Variants in NSMF observed in about 807,000 individuals in gnomAD.
NSMF encodes the protein nasal embryonic LHRH factor.
Under a neutral mutation model 71.0 loss-of-function variants are expected in NSMF, and 31 were observed. That is an observed-to-expected ratio of 0.44 (90% CI 0.33 to 0.59). NSMF has a LOEUF of 0.59. Among genes scored for constraint, NSMF ranks in the 20% least tolerant of loss-of-function variants. NSMF has a pLI of 0.04. For missense variants in NSMF, 673 were observed against 740.5 expected (o/e 0.91, Z 1.06); for synonymous variants, 345 against 287.1 (o/e 1.20, Z -2.04).
At chr9:137,456,355 G>C in intron 4 of NSMF, 56 bp downstream of exon 4, 1 of 1,372,138 alleles carries the variant, frequency 7.3e-7, no homozygotes, top group Non-Finnish European at 1.0e-6. Flanking sequence ...GCTGTTTCCT[G>C]AGCAGCAGAA....
Position 137,457,706 on chromosome 9 carries a change from A to G in NSMF, c.329T>C (p.Leu110Pro), listed in dbSNP as rs1830911754. The G allele has an allele frequency of 1.3e-6, 2 of 1,553,244 alleles. No individual in the cohort carries two copies. The highest frequency in any genetic ancestry group is 1.7e-4 in the Middle Eastern group (1 of 5,978). The change falls in exon 3 of 16, where the codon CTG (leucine) becomes CCG (proline). Residue 110 changes from leucine (L) to proline (P), a missense_variant. Physicochemically the swap from Leu to Pro is moderately conservative, Grantham distance 98. Transcript: ENST00000371475. ...GGCCTCCGCCTCAGGGCTGGGCAGC[A>G]GGGCAGGCTCCCCAGAGATGGTGTA... ...RVYTISGEPALLPSPEAEAIE... is the reference protein window; with the variant it reads ...RVYTISGEPAPLPSPEAEAIE...
chr9:137,449,702 G>T, intron 14 of NSMF, 28 bp from the exon 15 acceptor site: 3 of 1,591,624 alleles, frequency 1.9e-6, no homozygotes, highest in Non-Finnish European at 2.6e-6. Context: ...CCATGAGTCC[G>T]AGGCAGAGAG....
intron 13 of NSMF, 61 bp from the exon 14 acceptor site, chr9:137,450,086 A>C: frequency 1.3e-6 from 2 of 1,573,864 alleles, no homozygotes; most frequent in Non-Finnish European, 1.7e-6. Context: ...CACAGAGCGG[A>C]CCGTGGAGGA....
chr9:137,457,913 ACT>A lies in NSMF; in HGVS notation c.134-14_134-13del, dbSNP rs1192894931. Reference sequence around the variant, plus strand: ...AGCCAGCAGGTGATCTAGGAGAGACACTGAGTGAGCCTGCCTGCCGCGTGTGG... The same window carrying A: ...AGCCAGCAGGTGATCTAGGAGAGACAGAGTGAGCCTGCCTGCCGCGTGTGG... On this transcript the variant is annotated splice_polypyrimidine_tract_variant and intron_variant, in intron 2 of 15. Transcript: ENST00000371475. 6.5e-7 allele frequency: 1 copy of A among 1,540,150 alleles called. No individual in the cohort carries two copies. Among genetic ancestry groups the A allele is most frequent in the Admixed American group, 2.0e-5 (1 of 51,280 alleles).
intron 2 of NSMF, 61 bp downstream of exon 2, chr9:137,458,427 G>T: frequency 7.0e-7 from 1 of 1,420,456 alleles, no homozygotes; most frequent in South Asian, 1.2e-5. Flanking sequence ...CGGAGGCAGG[G>T]ATCAGCATCC....
chr9:137,449,950 G>C lies in NSMF; in HGVS notation c.1392C>G (p.Tyr464Ter). The change falls in exon 14 of 16, where the codon TAC becomes TAG. Residue 464 changes from tyrosine to a stop codon, truncating the protein, a stop_gained. Transcript: ENST00000371475. LOFTEE classifies it high-confidence loss of function. ...EPNVIHIMGC[Y>*]ILGNPNGEKL... ...TCTCTCCATTGGGGTTCCCCAGAAT[G>C]TAGCAGCCCATGATGTGGATGACGT... 1 of 1,613,212 alleles carries C rather than the reference G, an allele frequency of 6.2e-7. No homozygotes were observed. Among genetic ancestry groups the C allele is most frequent in the Non-Finnish European group, 8.5e-7 (1 of 1,179,896 alleles).
chr9:137,456,316 C>A, intron 4 of NSMF, 95 bp downstream of exon 4: 1 of 1,045,660 alleles, frequency 9.6e-7, no homozygotes, highest in Non-Finnish European at 1.5e-6. Flanking sequence ...AAGCAGCCCC[C>A]CTGGTAGGCC....
chr9:137,455,480 G>T, intron 5 of NSMF, 149 bp downstream of exon 5: 1 of 1,164,668 alleles, frequency 8.6e-7, no homozygotes, highest in Non-Finnish European at 1.3e-6. Context: ...GCCCTGCTGC[G>T]ACCTCGGTGC....
chr9:137,453,813 A>G lies in NSMF; in HGVS notation c.840T>C (p.Ala280=). ...GGCTGAAGCTCCGCTCGCGCCGCTC[A>G]GCGAACGCTGCAGAGAGCAAAACCC... is the stretch of plus-strand genomic sequence containing the variant. ...GSRRVKAQTF[A]ERRERSFSRS... The change falls in exon 8 of 16, where the codon GCT becomes GCC. Residue 280 remains alanine, a synonymous_variant. Coordinates refer to ENST00000371475, the MANE Select transcript of NSMF (RefSeq NM_001130969.3). The surrounding 1 kb of genome is among the most constrained non-coding windows in gnomAD (Gnocchi z 4.5). 1.9e-6 allele frequency: 3 copies of G among 1,590,794 alleles called. No individual in the cohort carries two copies. The highest frequency in any genetic ancestry group is 2.6e-6 in the Non-Finnish European group (3 of 1,175,356).
Position 137,453,214 on chromosome 9 carries a change from C to A in NSMF, c.923-34G>T, listed in dbSNP as rs1464888755. 1 of 1,611,022 alleles carries A rather than the reference C, an allele frequency of 6.2e-7. No homozygotes were observed. Among genetic ancestry groups the A allele is most frequent in the Non-Finnish European group, 8.5e-7 (1 of 1,179,688 alleles). Reference sequence around the variant, plus strand: ...CAAGAGGGTCACCAGGACAGCAGGCCCGGCAGCACCTCCTATCCTGGCCAT... The same window carrying A: ...CAAGAGGGTCACCAGGACAGCAGGCACGGCAGCACCTCCTATCCTGGCCAT... On this transcript the variant is annotated intron_variant, in intron 8 of 15. Coordinates refer to ENST00000371475, the MANE Select transcript of NSMF (RefSeq NM_001130969.3). The surrounding 1 kb of genome is among the most constrained non-coding windows in gnomAD (Gnocchi z 4.5).
Position 137,449,212 on chromosome 9 carries a change from G to A in NSMF, c.*182C>T, listed in dbSNP as rs1839769757. The A allele has an allele frequency of 9.6e-6, 6 of 626,246 alleles. No homozygotes were observed. In the Admixed American group the frequency reaches 1.2e-4, roughly 13 times the overall value. The allele number at this position is 626,246 out of a possible 1,614,324, so 38.8% of individuals were successfully genotyped here. On this transcript the variant is annotated 3_prime_UTR_variant, in exon 16 of 16. Coordinates refer to ENST00000371475, the MANE Select transcript of NSMF (RefSeq NM_001130969.3). Reference sequence around the variant, plus strand: ...CCGGCCCCCAGGGACTGCAGCCTCTGCGGCCACGGGTGCAGCGAGGACCGG... The same window carrying A: ...CCGGCCCCCAGGGACTGCAGCCTCTACGGCCACGGGTGCAGCGAGGACCGG...
intron 6 of NSMF, chr9:137,454,726 C>G: frequency 6.7e-7 from 1 of 1,489,836 alleles, no homozygotes; most frequent in East Asian, 2.7e-5. Context: ...TCTGACCTTC[C>G]GTCCTCGCCC....
chr9:137,456,475 T>C lies in NSMF; in HGVS notation c.640A>G (p.Ile214Val), dbSNP rs1401809420. The stretch of plus-strand genomic sequence containing the variant: ...TTTTCCTTGGGGAACCAGGTACGAA[T>C]AGGGATGTCGTCTAAGAGAGACAAA... ...SVDRVSDDIP[I>V]RTWFPKENLF... Residue 214 changes from isoleucine to valine, a missense_variant, in exon 4 of 16, where the codon ATT (isoleucine) becomes GTT (valine). Physicochemically the swap from Ile to Val is conservative, Grantham distance 29. Coordinates refer to ENST00000371475, the MANE Select transcript of NSMF (RefSeq NM_001130969.3). 1 of 1,611,910 alleles carries C rather than the reference T, an allele frequency of 6.2e-7. No homozygotes were observed. The highest frequency in any genetic ancestry group is 1.7e-5 in the Admixed American group (1 of 60,022).
In NSMF at chr9:137,447,722, C is replaced by G. The variant is rs554507963; in HGVS notation, c.*1672G>C. 6.6e-6 allele frequency: 1 copy of G among 151,604 alleles called. No individual in the cohort carries two copies. Among genetic ancestry groups the G allele is most frequent in the South Asian group, 2.1e-4 (1 of 4,754 alleles). 9.4% of individuals were successfully genotyped at this position (151,604 alleles called of 1,614,324 possible). A position where few individuals can be genotyped will look rare whatever the true frequency, so the allele number is the denominator to read the frequency against. On this transcript the variant is annotated 3_prime_UTR_variant, in exon 16 of 16. Coordinates refer to ENST00000371475, the MANE Select transcript of NSMF (RefSeq NM_001130969.3). Reference sequence around the variant, plus strand: ...TGGGCCTCAAGCCTGCCAGGCTGTGCCAGGCTGCGCACCAGTGGCCCCCTG... The same window carrying G: ...TGGGCCTCAAGCCTGCCAGGCTGTGGCAGGCTGCGCACCAGTGGCCCCCTG...
In NSMF at chr9:137,452,745, G is replaced by A. The variant is rs1302075284; in HGVS notation, c.1122C>T (p.Pro374=). Residue 374 remains proline (P), a synonymous_variant, in exon 10 of 16, where the codon CCC becomes CCT. Transcript: ENST00000371475. ...CCGGGGCGGGACTCACGTAGAGGAT[G>A]GGGATGATGGAGGGGTCATCCCGGC... ...IIRRDDPSII[P]ILYDHEHATF... 21 of 1,606,372 alleles carry A rather than the reference G, an allele frequency of 1.3e-5. No individual in the cohort carries two copies. Among genetic ancestry groups the A allele is most frequent in the Admixed American group, 1.7e-5 (1 of 58,628 alleles).
rs763993914 is a variant in NSMF, at chr9:137,448,081, T to C, written c.*1313A>G. On this transcript the variant is annotated 3_prime_UTR_variant, in exon 16 of 16. Transcript: ENST00000371475. This position sits in a 1 kb window ranked among gnomAD's most constrained non-coding sequence, Gnocchi z 5.3. ...CCTCCTGTGCTGGTCCCCCTGGCTA[T>C]GCCCTGTGGGGTGGTCTAGTGGCCT... The C allele has an allele frequency of 1.3e-5, 2 of 152,312 alleles. No individual in the cohort carries two copies. The highest frequency in any genetic ancestry group is 6.5e-5 in the Admixed American group (1 of 15,278). 9.4% of individuals were successfully genotyped at this position (152,312 alleles called of 1,614,324 possible). A position where few individuals can be genotyped will look rare whatever the true frequency, so the allele number is the denominator to read the frequency against.
rs1447899208 is a variant in NSMF, at chr9:137,452,988, G to A, written c.1047+68C>T. 6 of 1,605,616 alleles carry A rather than the reference G, an allele frequency of 3.7e-6. No individual in the cohort carries two copies. In the African/African-American group the frequency reaches 6.7e-5, roughly 18 times the overall value. ...AGGCTGCGTGGTCCCAGGCAGAGCTGGCTGGACTCGGGTTGGGGCGGAGTC... is the reference window on the plus strand; with the variant it reads ...AGGCTGCGTGGTCCCAGGCAGAGCTAGCTGGACTCGGGTTGGGGCGGAGTC... On this transcript the variant is annotated intron_variant, in intron 9 of 15. Coordinates refer to ENST00000371475, the MANE Select transcript of NSMF (RefSeq NM_001130969.3).
chr9:137,458,768 C>A (rs920732975), intron 1 of NSMF, among the ~76,000 whole-genome samples: 1 of 152,112 alleles, frequency 6.6e-6, no homozygotes, highest in African/African-American at 2.4e-5. Context: ...AGAGGGGTCG[C>A]GAGGCCGGTC....
intron 13 of NSMF, 53 bp downstream of exon 13, chr9:137,450,117 TGCCAGG>T: frequency 2.5e-6 from 4 of 1,587,508 alleles, no homozygotes; most frequent in Non-Finnish European, 3.5e-6. Flanking sequence ...GGGAGGGACA[TGCCAGG>T]GCCTGGACTC....
Sources: allele counts gnomAD v4.1 joint callset (sites outside exome capture counted in the v4.1 genomes callset), GRCh38; gene constraint gnomAD v4.1.1; non-coding constraint Gnocchi (gnomAD v3.1); transcripts MANE v1.5; gene names NCBI Gene and HGNC (gene_info 2026-07-23, HGNC 2026-07-21).